The following ANKS1B variants were observed in gnomAD, a reference collection of about 807,000 sequenced individuals.
The protein encoded by ANKS1B is ankyrin repeat and sterile alpha motif domain containing 1B, also known as ankyrin repeat and sterile alpha motif domain-containing protein 1B.
Under a neutral mutation model 148.3 loss-of-function variants are expected in ANKS1B, and 36 were observed. The observed-to-expected ratio is 0.24, with a 90% CI of 0.19 to 0.32. The LOEUF is 0.32. ANKS1B is among the 10% of genes least tolerant of loss of function. The pLI is 1.00. For synonymous variants in ANKS1B, 542 were observed against 560.8 expected (o/e 0.97, Z 0.47); for missense variants, 1,157 against 1,542.6 (o/e 0.75, Z 4.19).
chr12:99,370,588 G>A (rs920050464), intron 12 of ANKS1B, among the ~76,000 whole-genome samples: 1 of 152,092 alleles, frequency 6.6e-6, no homozygotes, highest in African/African-American at 2.4e-5. Flanking sequence ...AGTCTCAGGA[G>A]GTTTTTGCCC....
At chr12:98,813,737 G>A (rs190747941) in intron 19 of ANKS1B, among the ~76,000 whole-genome samples, 150 of 151,362 alleles carry the variant, frequency 9.9e-4, no homozygotes, top group African/African-American at 3.6e-3. Context: ...GTTATTTTTA[G>A]TAGAGATGAG....
intron 19 of ANKS1B, among the ~76,000 whole-genome samples, chr12:98,809,445 C>A (rs2153621253): frequency 6.6e-6 from 1 of 152,190 alleles, no homozygotes; most frequent in Admixed American, 6.5e-5. Context: ...AACTTTCACA[C>A]ACTTCTAGTG....
intron 12 of ANKS1B, among the ~76,000 whole-genome samples, chr12:99,336,073 A>G (rs555400820): frequency 1.1e-4 from 16 of 152,160 alleles, no homozygotes; most frequent in African/African-American, 3.4e-4. Flanking sequence ...TTGGGGTGAG[A>G]TGATTTCTCA....
intron 12 of ANKS1B, among the ~76,000 whole-genome samples, chr12:99,298,158 T>G (rs2081149553): frequency 6.6e-6 from 1 of 152,228 alleles, no homozygotes; most frequent in African/African-American, 2.4e-5. Context: ...GTATAACAAC[T>G]AATAATTCAT....
At chr12:99,685,557 G>C (rs1051198645) in intron 8 of ANKS1B, among the ~76,000 whole-genome samples, 1 of 152,144 alleles carries the variant, frequency 6.6e-6, no homozygotes, top group Admixed American at 6.5e-5. Context: ...TCTACCGTTT[G>C]ATCCAGCAAT....
At chr12:99,883,367 G>A (rs925227105) in intron 1 of ANKS1B, among the ~76,000 whole-genome samples, 21 of 152,148 alleles carry the variant, frequency 1.4e-4, no homozygotes, top group African/African-American at 4.3e-4. Context: ...AGAACCTCAC[G>A]CATTATACAG....
rs75258190 is a variant in ANKS1B, at chr12:99,202,340, T to G, written c.2419+42002A>C. Among the ~76,000 whole-genome samples the G allele has an allele frequency of 8.6e-3, 1,315 of 152,332 alleles. 23 individuals carry two copies. Among genetic ancestry groups the G allele is most frequent in the African/African-American group, 0.03 (1,261 of 41,576 alleles). On this transcript the variant is annotated intron_variant, in intron 14 of 26. Transcript: ENST00000683438. ...CCTCTGAAAATGCTGTAGAGTTCAC[T>G]CCAGTGACCTACCATCCATAAACCC...
At chr12:99,203,746 C>T (rs111779257) in intron 14 of ANKS1B, among the ~76,000 whole-genome samples, 22 of 152,172 alleles carry the variant, frequency 1.4e-4, no homozygotes, top group African/African-American at 5.3e-4. Context: ...CCACTGCACC[C>T]GGCCAAGACC....
intron 1 of ANKS1B, among the ~76,000 whole-genome samples, chr12:99,890,116 CA>C (rs2153746833): frequency 6.6e-6 from 1 of 152,236 alleles, no homozygotes; most frequent in East Asian, 1.9e-4. Context: ...TGAAGAAAAT[CA>C]AACTTGGAGA....
At chr12:98,948,560 C>T (rs1476772314) in intron 17 of ANKS1B, among the ~76,000 whole-genome samples, 1 of 152,134 alleles carries the variant, frequency 6.6e-6, no homozygotes, top group Non-Finnish European at 1.5e-5. Flanking sequence ...AGTCCTAGCA[C>T]TTTGCAATTT....
intron 17 of ANKS1B, among the ~76,000 whole-genome samples, chr12:98,991,957 T>C (rs1490854958): frequency 6.6e-6 from 1 of 152,140 alleles, no homozygotes; most frequent in Non-Finnish European, 1.5e-5. Context: ...AGAATATTTA[T>C]ATGAAAAAGA....
intron 1 of ANKS1B, among the ~76,000 whole-genome samples, chr12:99,933,222 TG>T (rs1375195366): frequency 6.6e-6 from 1 of 152,120 alleles, no homozygotes; most frequent in Non-Finnish European, 1.5e-5. Context: ...TCATTTTGCT[TG>T]GGATGGCTTT....
chr12:99,778,508 CAAAAAA>C (rs57712696), intron 6 of ANKS1B, among the ~76,000 whole-genome samples: 1 of 57,444 alleles, frequency 1.7e-5, no homozygotes, highest in African/African-American at 6.0e-5. Flanking sequence ...AACTCTTTCT[CAAAAAA>C]AAAAAAAAAA....
Position 99,775,623 on chromosome 12 carries a change from CT to C in ANKS1B, c.885del (p.Glu296SerfsTer40). 1 of 1,611,970 alleles carries C rather than the reference CT, an allele frequency of 6.2e-7. No homozygotes were observed. Among genetic ancestry groups the C allele is most frequent in the Non-Finnish European group, 8.5e-7 (1 of 1,178,496 alleles). On this transcript the variant is annotated frameshift_variant, in exon 7 of 27. Transcript: ENST00000683438. LOFTEE classifies it high-confidence loss of function. ...LEGVGRSTVLEEPVQEDATQE... is the reference protein window; with the variant it reads ...LEGVGRSTVLXEPVQEDATQE... Reference sequence around the variant, plus strand: ...TGTGTTGCATCTTCCTGTACAGGCTCTTCGAGGACTGTAGATCTTCCCACGC... The same window carrying C: ...TGTGTTGCATCTTCCTGTACAGGCTCTCGAGGACTGTAGATCTTCCCACGC...
intron 17 of ANKS1B, among the ~76,000 whole-genome samples, chr12:99,024,666 T>C (rs1260646037): frequency 6.6e-6 from 1 of 152,216 alleles, no homozygotes; most frequent in Non-Finnish European, 1.5e-5. Context: ...TATGATGTTT[T>C]GACATCTTAA....
intron 15 of ANKS1B, among the ~76,000 whole-genome samples, chr12:99,149,556 T>C (rs889322394): frequency 6.6e-6 from 1 of 152,198 alleles, no homozygotes; most frequent in Non-Finnish European, 1.5e-5. Context: ...TAGATGGCAA[T>C]TGTTAGAAAT....
At chr12:99,383,868 G>A (rs55759501) in intron 12 of ANKS1B, among the ~76,000 whole-genome samples, 42,026 of 121,912 alleles carry the variant, frequency 0.34, 8,187 homozygotes, top group African/African-American at 0.52. Flanking sequence ...AAAAAAAAAA[G>A]AAAAGAAAAG....
rs557765142 is a variant in ANKS1B, at chr12:99,693,660, T to C, written c.1129-38450A>G. Among the ~76,000 whole-genome samples, 7 of 152,218 alleles carry C rather than the reference T, an allele frequency of 4.6e-5. No individual in the cohort carries two copies. The South Asian group carries it at 1.5e-3, about 32-fold the overall frequency. ...TTCAGGATAGTCATCATATACATGA[T>C]GGCAAAATGAATGTTAAAAAATAAA... On this transcript the variant is annotated intron_variant, in intron 8 of 26. Transcript: ENST00000683438.
intron 12 of ANKS1B, among the ~76,000 whole-genome samples, chr12:99,265,488 T>C (rs2076360294): frequency 6.6e-6 from 1 of 152,194 alleles, no homozygotes; most frequent in East Asian, 1.9e-4. Flanking sequence ...TAGCAGATCC[T>C]CCATGTGATT....
Sources: gnomAD v4.1 joint callset for allele counts (sites outside exome capture counted in the v4.1 genomes callset) on GRCh38, gnomAD v4.1.1 for gene constraint, MANE v1.5 for transcripts, NCBI Gene and HGNC (gene_info 2026-07-23, HGNC 2026-07-21) for gene names.